Variants in CBLN2 observed in about 807,000 individuals in gnomAD.
CBLN2 encodes cerebellin 2 precursor.
Under a neutral mutation model 15.0 loss-of-function variants are expected in CBLN2, and 7 were observed. The ratio of observed to expected loss-of-function variants is 0.47; its 90% confidence interval spans 0.27 to 0.88. The LOEUF (loss-of-function observed/expected upper bound fraction) is 0.88. CBLN2 is among the 40% of genes least tolerant of loss of function. The pLI is 0.14. For missense variants in CBLN2, 242 were observed against 304.5 expected (o/e 0.79, Z 1.53); for synonymous variants, 149 against 135.2 (o/e 1.10, Z -0.71).
chr18:72,638,311 G>A (rs763129222), intron 1 of CBLN2: 1 of 398,444 alleles, frequency 2.5e-6, no homozygotes, highest in Non-Finnish European at 4.4e-6. Flanking sequence ...CTAGCCTAAA[G>A]TTTTAACACG....
Position 72,537,759 on chromosome 18 carries a change from T to C in CBLN2, c.*417A>G, listed in dbSNP as rs1022186393. 3.8e-6 allele frequency: 1 copy of C among 265,198 alleles called. No individual in the cohort carries two copies. Among genetic ancestry groups the C allele is most frequent in the Admixed American group, 5.1e-5 (1 of 19,626 alleles). 16.4% of individuals were successfully genotyped at this position (265,198 alleles called of 1,614,324 possible). On this transcript the variant is annotated 3_prime_UTR_variant, in exon 5 of 5. Transcript: ENST00000269503. ...TCAAGGACTGTCCAGCAGGTGGTTC[T>C]TTGCTGGGCTCCTACTTCAAGCCCT... is the stretch of plus-strand genomic sequence containing the variant.
chr18:72,606,173 T>G (rs573258984), intron 1 of CBLN2, among the ~76,000 whole-genome samples: 1 of 152,210 alleles, frequency 6.6e-6, no homozygotes. Flanking sequence ...TTCTACCTTC[T>G]TTTTTTGCCT....
At chr18:72,617,564 A>G (rs1272303303) in intron 1 of CBLN2, among the ~76,000 whole-genome samples, 1 of 152,212 alleles carries the variant, frequency 6.6e-6, no homozygotes, top group African/African-American at 2.4e-5. Flanking sequence ...ACCTTTAATT[A>G]CTAAACATAA....
intron 1 of CBLN2, among the ~76,000 whole-genome samples, chr18:72,593,010 C>G (rs555794946): frequency 1.8e-4 from 27 of 151,888 alleles, no homozygotes; most frequent in African/African-American, 6.0e-4. Flanking sequence ...AGGATTTTTC[C>G]CCTATTTTCA....
intron 1 of CBLN2, among the ~76,000 whole-genome samples, chr18:72,606,219 A>C (rs776650992): frequency 6.6e-6 from 1 of 152,132 alleles, no homozygotes; most frequent in Non-Finnish European, 1.5e-5. Context: ...CAACTGCAAC[A>C]CTTTTATCTG....
intron 1 of CBLN2, chr18:72,552,641 A>G (rs975867635): frequency 6.6e-6 from 1 of 152,146 alleles, no homozygotes. Context: ...TGCTCACTAA[A>G]ATTATGAAAA....
intron 1 of CBLN2, among the ~76,000 whole-genome samples, chr18:72,585,270 C>A (rs537459555): frequency 6.6e-6 from 1 of 152,294 alleles, no homozygotes; most frequent in South Asian, 2.1e-4. Context: ...TGTATTAAAG[C>A]TCTTTTAGTC....
chr18:72,551,155 C>T (rs546040220), intron 1 of CBLN2, among the ~76,000 whole-genome samples: 54 of 151,846 alleles, frequency 3.6e-4, no homozygotes, highest in African/African-American at 1.1e-3. Flanking sequence ...AAATTTATTC[C>T]GATGCTTATT....
chr18:72,629,018 C>A (rs2069758260), intron 1 of CBLN2, among the ~76,000 whole-genome samples: 1 of 152,100 alleles, frequency 6.6e-6, no homozygotes, highest in South Asian at 2.1e-4. Context: ...AATCTATGAC[C>A]TTGACCCTAT....
intron 1 of CBLN2, among the ~76,000 whole-genome samples, chr18:72,614,127 C>T (rs1419351817): frequency 6.6e-6 from 1 of 152,140 alleles, no homozygotes; most frequent in Non-Finnish European, 1.5e-5. Context: ...GGAACATTCA[C>T]CTGAGTCAGC....
At chr18:72,617,228 G>A (rs2069668238) in intron 1 of CBLN2, among the ~76,000 whole-genome samples, 1 of 152,130 alleles carries the variant, frequency 6.6e-6, no homozygotes, top group Non-Finnish European at 1.5e-5. Context: ...AAACATCTAT[G>A]TAATCTCTAA....
intron 1 of CBLN2, among the ~76,000 whole-genome samples, chr18:72,610,921 T>C (rs1242748124): frequency 6.6e-6 from 1 of 152,126 alleles, no homozygotes; most frequent in African/African-American, 2.4e-5. Flanking sequence ...ATCCCCAGTT[T>C]CTGTTATTAT....
At chr18:72,539,045 A>T in intron 3 of CBLN2, 1 of 365,796 alleles carries the variant, frequency 2.7e-6, no homozygotes, top group Non-Finnish European at 5.1e-6. Context: ...CTGGCTGTGA[A>T]TTTTGTAAGT....
At chr18:72,626,660 A>C (rs1378566814) in intron 1 of CBLN2, among the ~76,000 whole-genome samples, 1 of 152,104 alleles carries the variant, frequency 6.6e-6, no homozygotes, top group African/African-American at 2.4e-5. Flanking sequence ...AGATTGCACC[A>C]CTGTACTCCA....
At chr18:72,550,923 G>A (rs988192271) in intron 1 of CBLN2, among the ~76,000 whole-genome samples, 1 of 151,900 alleles carries the variant, frequency 6.6e-6, no homozygotes, top group African/African-American at 2.4e-5. Flanking sequence ...TTCTTAATAG[G>A]TACCTCACGT....
At chr18:72,614,283 A>T (rs2069642741) in intron 1 of CBLN2, among the ~76,000 whole-genome samples, 1 of 152,154 alleles carries the variant, frequency 6.6e-6, no homozygotes, top group South Asian at 2.1e-4. Flanking sequence ...AATTAACCAA[A>T]TTTCAGAATT....
chr18:72,543,800 G>A lies in CBLN2; in HGVS notation c.-212+177C>T, dbSNP rs1369877368. ...GCTTCGCGCCCGCACCGCTGCCTGG[G>A]GCCCCTCGAGCTCCCGCGCTCAGCG... On this transcript the variant is annotated intron_variant, in intron 1 of 4. Transcript: ENST00000269503. This position sits in a 1 kb window ranked among gnomAD's most constrained non-coding sequence, Gnocchi z 6.8. Among the ~76,000 whole-genome samples, 1 of 151,840 alleles carries A rather than the reference G, an allele frequency of 6.6e-6. No individual in the cohort carries two copies. Among genetic ancestry groups the A allele is most frequent in the Non-Finnish European group, 1.5e-5 (1 of 67,944 alleles).
intron 1 of CBLN2, among the ~76,000 whole-genome samples, chr18:72,599,388 G>T (rs895142716): frequency 3.3e-5 from 5 of 152,118 alleles, no homozygotes; most frequent in Non-Finnish European, 7.4e-5. Flanking sequence ...ACCCATATTT[G>T]TCCATGATTT....
At chr18:72,578,122 CA>C (rs1040049283) in intron 1 of CBLN2, among the ~76,000 whole-genome samples, 12 of 152,198 alleles carry the variant, frequency 7.9e-5, no homozygotes, top group African/African-American at 2.6e-4. Flanking sequence ...TTTTACTACC[CA>C]GAGTATTGTT....
Sources: gnomAD v4.1 joint callset for allele counts (sites outside exome capture counted in the v4.1 genomes callset) on GRCh38, gnomAD v4.1.1 for gene constraint, Gnocchi (gnomAD v3.1) non-coding constraint, MANE v1.5 for transcripts, NCBI Gene and HGNC (gene_info 2026-07-23, HGNC 2026-07-21) for gene names.